Variants in RHBDD1 observed in about 807,000 individuals in gnomAD.
The protein encoded by RHBDD1 is rhomboid-related protein 4.
Under a neutral mutation model 36.3 loss-of-function variants are expected in RHBDD1, and 38 were observed. The ratio of observed to expected loss-of-function variants is 1.05; its 90% CI spans 0.81 to 1.37. The LOEUF is 1.37. RHBDD1 is among the 40% of genes most tolerant of loss of function. RHBDD1 has a pLI of 0.00. For missense variants in RHBDD1, 393 were observed against 377.6 expected (o/e 1.04, Z -0.34); for synonymous variants, 151 against 136.5 (o/e 1.11, Z -0.74).
In RHBDD1 at chr2:226,878,677, G is replaced by A. The variant is rs1408692166; in HGVS notation, c.566+11359G>A. Among the ~76,000 whole-genome samples the A allele has an allele frequency of 4.6e-5, 7 of 152,290 alleles. No homozygotes were observed. In the East Asian group the frequency reaches 1.3e-3, roughly 29 times the overall value. ...GTTACCTCCAGTTTTCTCTGCTGAG[G>A]CTGCTGACATTATGGAGCAGAGACC... On this transcript the variant is annotated intron_variant, in intron 5 of 8. Transcript: ENST00000392062.
intron 5 of RHBDD1, among the ~76,000 whole-genome samples, chr2:226,886,920 A>G (rs1408838928): frequency 6.6e-6 from 1 of 152,150 alleles, no homozygotes; most frequent in Non-Finnish European, 1.5e-5. Flanking sequence ...GGAACTGATC[A>G]TGATAAAGGC....
intron 8 of RHBDD1, among the ~76,000 whole-genome samples, chr2:226,951,102 T>C (rs1360226984): frequency 5.3e-5 from 8 of 152,180 alleles, no homozygotes; most frequent in Admixed American, 4.6e-4. Flanking sequence ...CAGTTTCAGG[T>C]CTTATGTTTA....
chr2:226,980,096 G>GT (rs1298208408), intron 8 of RHBDD1, among the ~76,000 whole-genome samples: 1 of 152,150 alleles, frequency 6.6e-6, no homozygotes, highest in Admixed American at 6.5e-5. Flanking sequence ...GGTCATTAGT[G>GT]TAACAGTCAG....
At chr2:226,994,831 C>T (rs1414246929) in intron 8 of RHBDD1, among the ~76,000 whole-genome samples, 1 of 152,164 alleles carries the variant, frequency 6.6e-6, no homozygotes, top group Non-Finnish European at 1.5e-5. Context: ...AAACTCTTTT[C>T]AGTAACGATT....
chr2:226,868,886 C>T (rs941329130), intron 5 of RHBDD1, among the ~76,000 whole-genome samples: 8 of 152,178 alleles, frequency 5.3e-5, no homozygotes, highest in Admixed American at 1.3e-4. Flanking sequence ...AGAAAGCATC[C>T]GGTAATGTCT....
At chr2:226,871,149 A>G (rs574351999) in intron 5 of RHBDD1, among the ~76,000 whole-genome samples, 2 of 152,234 alleles carry the variant, frequency 1.3e-5, no homozygotes, top group Admixed American at 6.5e-5. Flanking sequence ...ACTTGTTTCA[A>G]TTTTTTATTA....
chr2:226,939,512 A>G (rs1340464451), intron 8 of RHBDD1, among the ~76,000 whole-genome samples: 1 of 152,134 alleles, frequency 6.6e-6, no homozygotes, highest in Non-Finnish European at 1.5e-5. Context: ...TCACGAATGA[A>G]CTCCCATTCA....
At chr2:226,826,467 A>G in the RHBDD1 span, among the ~76,000 whole-genome samples, 1 of 152,098 alleles carries the variant, frequency 6.6e-6, no homozygotes, top group Non-Finnish European at 1.5e-5. Context: ...TAGTTTTGGT[A>G]ACAACTTATT....
chr2:226,825,017 C>T, the RHBDD1 span, among the ~76,000 whole-genome samples: 1 of 152,218 alleles, frequency 6.6e-6, no homozygotes, highest in Admixed American at 6.5e-5. Flanking sequence ...TGATTTCCCA[C>T]ATTTTGATGC....
chr2:226,880,670 C>T (rs555893598), intron 5 of RHBDD1, among the ~76,000 whole-genome samples: 4 of 152,274 alleles, frequency 2.6e-5, no homozygotes, highest in East Asian at 3.9e-4. Context: ...CCTGACCCAC[C>T]GTGGGAAGAA....
intron 8 of RHBDD1, among the ~76,000 whole-genome samples, chr2:226,925,647 A>G (rs888051324): frequency 6.6e-6 from 1 of 152,226 alleles, no homozygotes; most frequent in Non-Finnish European, 1.5e-5. Context: ...TCAAATTAAT[A>G]TAAATTTTTA....
intron 5 of RHBDD1, among the ~76,000 whole-genome samples, chr2:226,890,075 G>T (rs1946562890): frequency 6.6e-6 from 1 of 152,270 alleles, no homozygotes; most frequent in Non-Finnish European, 1.5e-5. Flanking sequence ...CAAGGTGAGG[G>T]TTGCTAAAGC....
chr2:226,836,954 G>C (rs1045858950), intron 1 of RHBDD1, among the ~76,000 whole-genome samples: 1 of 152,182 alleles, frequency 6.6e-6, no homozygotes, highest in Non-Finnish European at 1.5e-5. Context: ...ATCCCAGGAC[G>C]CTAGGATCAG....
chr2:226,860,335 C>T (rs1943734715), intron 3 of RHBDD1, among the ~76,000 whole-genome samples: 1 of 152,100 alleles, frequency 6.6e-6, no homozygotes, highest in Non-Finnish European at 1.5e-5. Context: ...ATACATAAAC[C>T]ATTTCCAAAA....
chr2:226,988,427 C>G, intron 8 of RHBDD1: 1 of 1,550,428 alleles, frequency 6.4e-7, no homozygotes, highest in South Asian at 1.2e-5. Context: ...AAGCCTGAAG[C>G]AGGCCGCAGT....
At chr2:226,970,169 T>C (rs897755886) in intron 8 of RHBDD1, among the ~76,000 whole-genome samples, 3 of 151,934 alleles carry the variant, frequency 2.0e-5, no homozygotes, top group African/African-American at 7.3e-5. Flanking sequence ...TGCACTGTGC[T>C]ATGTGATCCT....
At chr2:226,939,820 G>A (rs1216976493) in intron 8 of RHBDD1, among the ~76,000 whole-genome samples, 1 of 152,072 alleles carries the variant, frequency 6.6e-6, no homozygotes, top group Non-Finnish European at 1.5e-5. Context: ...GCAATCCTAA[G>A]CAAAAAGAAC....
intron 5 of RHBDD1, among the ~76,000 whole-genome samples, chr2:226,893,450 T>C (rs1436372732): frequency 2.0e-5 from 3 of 152,230 alleles, no homozygotes; most frequent in Non-Finnish European, 4.4e-5. Context: ...GATCATGGCC[T>C]CTTTCAAATA....
chr2:226,978,167 A>G (rs1248556059), intron 8 of RHBDD1, among the ~76,000 whole-genome samples: 1 of 152,234 alleles, frequency 6.6e-6, no homozygotes, highest in Non-Finnish European at 1.5e-5. Context: ...CATAGAAACA[A>G]TTCTAGAACG....
Sources: allele counts gnomAD v4.1 joint callset (sites outside exome capture counted in the v4.1 genomes callset), GRCh38; gene constraint gnomAD v4.1.1; transcripts MANE v1.5; gene names NCBI Gene and HGNC (gene_info 2026-07-23, HGNC 2026-07-21).